The following DNM3 variants were observed in gnomAD, a reference collection of about 807,000 sequenced individuals.
DNM3 encodes dynamin 3, also known as dynamin-3.
A neutral mutation model predicts 101.6 loss-of-function variants in DNM3; 47 were observed. That is an observed-to-expected ratio of 0.46 (90% CI 0.37 to 0.59). The LOEUF is 0.59. DNM3 is among the 20% of genes least tolerant of loss of function. DNM3 has a pLI of 0.00. For missense variants in DNM3, 849 were observed against 1,085.7 expected (o/e 0.78, Z 3.06); for synonymous variants, 385 against 387.9 (o/e 0.99, Z 0.09).
rs1329535583 is a variant in DNM3, at chr1:172,319,747, C to A, written c.1882-3582C>A. On this transcript the variant is annotated intron_variant, in intron 16 of 20. Coordinates refer to ENST00000627582, the MANE Select transcript of DNM3 (RefSeq NM_015569.5). Reference sequence around the variant, plus strand: ...TCAGGAAACAACAGATGCTGGAGAGCATGTGGAGAAATAGGAACACTTTTA... The same window carrying A: ...TCAGGAAACAACAGATGCTGGAGAGAATGTGGAGAAATAGGAACACTTTTA... Among the ~76,000 whole-genome samples the A allele has an allele frequency of 2.0e-5, 3 of 152,028 alleles. No individual in the cohort carries two copies. The East Asian group carries it at 5.8e-4, about 29-fold the overall frequency.
intron 1 of DNM3, among the ~76,000 whole-genome samples, chr1:171,846,434 T>C (rs967062599): frequency 2.0e-5 from 3 of 152,182 alleles, no homozygotes; most frequent in Non-Finnish European, 4.4e-5. Flanking sequence ...CCCAGAACCT[T>C]GGAGGAATGG....
chr1:172,085,788 G>A (rs1572442658), intron 12 of DNM3, among the ~76,000 whole-genome samples: 1 of 152,250 alleles, frequency 6.6e-6, no homozygotes, highest in African/African-American at 2.4e-5. Context: ...AAATTCCAGA[G>A]CAATCTTAGT....
chr1:172,282,753 A>G (rs2063538290), intron 15 of DNM3, among the ~76,000 whole-genome samples: 1 of 152,170 alleles, frequency 6.6e-6, no homozygotes, highest in African/African-American at 2.4e-5. Context: ...CTCTACTTGG[A>G]GAGAGTCTTA....
At chr1:172,219,408 C>T (rs2060826453) in intron 14 of DNM3, among the ~76,000 whole-genome samples, 2 of 136,664 alleles carry the variant, frequency 1.5e-5, no homozygotes, top group Non-Finnish European at 3.1e-5. Flanking sequence ...AAAAAGAAGA[C>T]GCTCTCAAGA....
At chr1:171,999,924 C>CATGGT (rs1380602511) in intron 4 of DNM3, among the ~76,000 whole-genome samples, 1 of 152,044 alleles carries the variant, frequency 6.6e-6, no homozygotes, top group African/African-American at 2.4e-5. Flanking sequence ...TGGAGGGAGT[C>CATGGT]AGCATGACAC....
chr1:172,103,827 C>T (rs557905562), intron 13 of DNM3, among the ~76,000 whole-genome samples: 3 of 152,074 alleles, frequency 2.0e-5, no homozygotes, highest in Non-Finnish European at 4.4e-5. Flanking sequence ...ATAGTGAAAC[C>T]CCATCTCTAC....
At chr1:172,344,467 G>C (rs76477144) in intron 17 of DNM3, among the ~76,000 whole-genome samples, 1 of 152,168 alleles carries the variant, frequency 6.6e-6, no homozygotes, top group South Asian at 2.1e-4. Context: ...AAGCGTTAAA[G>C]TTGGCTTTTT....
rs537951342 is a variant in DNM3, at chr1:172,049,093, A to G, written c.1335+343A>G. Among the ~76,000 whole-genome samples the G allele has an allele frequency of 3.3e-5, 5 of 152,332 alleles. No homozygotes were observed. The South Asian group carries it at 8.3e-4, about 25-fold the overall frequency. On this transcript the variant is annotated intron_variant, in intron 10 of 20. Coordinates refer to ENST00000627582, the MANE Select transcript of DNM3 (RefSeq NM_015569.5). ...GATGAGGGTAATTGTTAGAGAAGGA[A>G]ATCACTGATAGTACATATATCAATA...
At chr1:171,892,193 G>A (rs746994407) in intron 1 of DNM3, among the ~76,000 whole-genome samples, 1 of 151,980 alleles carries the variant, frequency 6.6e-6, no homozygotes, top group Non-Finnish European at 1.5e-5. Context: ...GTGTCTATGT[G>A]TTTTGAATAC....
intron 1 of DNM3, among the ~76,000 whole-genome samples, chr1:171,893,893 C>T (rs939159323): frequency 1.3e-5 from 2 of 152,166 alleles, no homozygotes; most frequent in African/African-American, 2.4e-5. Context: ...AAAGATATCT[C>T]ATAATCTTAA....
intron 20 of DNM3, among the ~76,000 whole-genome samples, chr1:172,394,762 C>T (rs2149095726): frequency 1.3e-5 from 2 of 152,286 alleles, no homozygotes; most frequent in Admixed American, 1.3e-4. Flanking sequence ...GTGAAAAATG[C>T]ACAGTAGAGG....
chr1:172,021,913 A>G (rs916602592), intron 4 of DNM3, among the ~76,000 whole-genome samples: 1 of 152,212 alleles, frequency 6.6e-6, no homozygotes, highest in African/African-American at 2.4e-5. Context: ...TACTGCATAT[A>G]ACCTCTTCTA....
At chr1:172,179,028 G>A (rs1019088706) in intron 14 of DNM3, among the ~76,000 whole-genome samples, 1 of 151,968 alleles carries the variant, frequency 6.6e-6, no homozygotes, top group African/African-American at 2.4e-5. Flanking sequence ...GGCGGTGATA[G>A]TAGTTATCTG....
At chr1:172,228,080 A>G (rs546752597) in intron 14 of DNM3, among the ~76,000 whole-genome samples, 44 of 152,036 alleles carry the variant, frequency 2.9e-4, no homozygotes, top group Non-Finnish European at 5.6e-4. Context: ...ACTTTTATTC[A>G]TATATATTGC....
intron 15 of DNM3, among the ~76,000 whole-genome samples, chr1:172,255,549 G>T (rs1297988824): frequency 1.3e-5 from 2 of 152,116 alleles, no homozygotes; most frequent in African/African-American, 4.8e-5. Context: ...TACAACTGTG[G>T]ATTTTAAAGA....
intron 16 of DNM3, among the ~76,000 whole-genome samples, chr1:172,318,915 A>G (rs944373076): frequency 1.6e-4 from 25 of 152,328 alleles, no homozygotes; most frequent in African/African-American, 6.0e-4. Flanking sequence ...ACCAAAAAAG[A>G]GCCTGCATCG....
intron 11 of DNM3, among the ~76,000 whole-genome samples, chr1:172,069,523 T>C (rs556318545): frequency 6.6e-6 from 1 of 152,346 alleles, no homozygotes; most frequent in South Asian, 2.1e-4. Context: ...AAAGATTATT[T>C]TCAAGTGAGG....
chr1:172,384,077 TACC>T (rs1254003522), intron 18 of DNM3, among the ~76,000 whole-genome samples: 1 of 152,152 alleles, frequency 6.6e-6, no homozygotes, highest in Admixed American at 6.6e-5. Context: ...AATGTCTGTA[TACC>T]ACTGGCATAC....
chr1:171,875,211 T>A (rs1346576856), intron 1 of DNM3, among the ~76,000 whole-genome samples: 1 of 152,186 alleles, frequency 6.6e-6, no homozygotes, highest in Admixed American at 6.5e-5. Context: ...GGCCGAATGG[T>A]AGTTCTGTTT....
Sources: allele counts gnomAD v4.1 joint callset (sites outside exome capture counted in the v4.1 genomes callset), GRCh38; gene constraint gnomAD v4.1.1; transcripts MANE v1.5; gene names NCBI Gene and HGNC (gene_info 2026-07-23, HGNC 2026-07-21).